ADAM23: variants seen among roughly 807,000 people sequenced by gnomAD.
ADAM23 encodes the protein disintegrin and metalloproteinase domain-containing protein 23.
In ADAM23, 33 loss-of-function variants were observed where a neutral mutation model predicts 120.1. The ratio of observed to expected loss-of-function variants is 0.27; its 90% confidence interval spans 0.21 to 0.37. ADAM23 has a LOEUF of 0.37. ADAM23 is among the 10% of genes least tolerant of loss of function. ADAM23 has a pLI of 1.00. For missense variants in ADAM23, 862 were observed against 1,058.2 expected (o/e 0.81, Z 2.57); for synonymous variants, 367 against 375.2 (o/e 0.98, Z 0.25).
At chr2:206,584,107 A>G (rs547070420) in intron 18 of ADAM23, among the ~76,000 whole-genome samples, 2 of 152,188 alleles carry the variant, frequency 1.3e-5, no homozygotes, top group South Asian at 4.2e-4. Flanking sequence ...TGTGAGCTGA[A>G]CCACAGTGAT....
At chr2:206,491,196 G>A (rs1390144945) in intron 3 of ADAM23, among the ~76,000 whole-genome samples, 1 of 152,016 alleles carries the variant, frequency 6.6e-6, no homozygotes, top group Non-Finnish European at 1.5e-5. Flanking sequence ...ATTATTGTGA[G>A]TGACTGGGAC....
chr2:206,498,510 T>A (rs1574498612), intron 3 of ADAM23, among the ~76,000 whole-genome samples: 1 of 152,290 alleles, frequency 6.6e-6, no homozygotes. Flanking sequence ...TCAAGATGGA[T>A]TAAAGACTTA....
intron 3 of ADAM23, 63 bp downstream of exon 3, chr2:206,481,371 C>A (rs376458509): frequency 1.6e-6 from 2 of 1,239,460 alleles, no homozygotes; most frequent in African/African-American, 1.6e-5. Flanking sequence ...TTTATAATAT[C>A]GGTTTAGTCA....
intron 2 of ADAM23, among the ~76,000 whole-genome samples, chr2:206,447,490 ATAGACAGTG>A (rs1347999375): frequency 2.6e-4 from 40 of 152,342 alleles, no homozygotes; most frequent in African/African-American, 8.7e-4. Context: ...CCGTACAGGT[ATAGACAGTG>A]TTGTTGTTTG....
chr2:206,555,272 C>A (rs1191235227), intron 9 of ADAM23, among the ~76,000 whole-genome samples: 1 of 152,162 alleles, frequency 6.6e-6, no homozygotes, highest in African/African-American at 2.4e-5. Flanking sequence ...TTCTTCTAGT[C>A]TCTCTTATTA....
rs1176534784 is a variant in ADAM23, at chr2:206,609,925, A to G, written c.2375A>G (p.Asn792Ser). 3 of 1,600,338 alleles carry G rather than the reference A, an allele frequency of 1.9e-6. No homozygotes were observed. The highest frequency in any genetic ancestry group is 2.7e-5 in the African/African-American group (2 of 73,952). The change falls in exon 25 of 26, where the codon AAT (asparagine) becomes AGT (serine). Residue 792 changes from asparagine (N) to serine (S), a missense_variant. Around this residue, in one of 4 missense-constraint regions of ADAM23, gnomAD observed 617 missense variants for 813.5 expected, o/e 0.76. Coordinates refer to ENST00000264377, the MANE Select transcript of ADAM23 (RefSeq NM_003812.4). ...TTTGTCACAGGTCCTAGTGCCACCA[A>G]TCTCATAATAGGCTCCATCGCTGGT... Reference protein sequence around the residue: ...DEGPKGPSATNLIIGSIAGAI... With the variant: ...DEGPKGPSATSLIIGSIAGAI...
At chr2:206,585,828 AAAAC>A (rs913892671) in intron 18 of ADAM23, among the ~76,000 whole-genome samples, 1 of 152,210 alleles carries the variant, frequency 6.6e-6, no homozygotes, top group African/African-American at 2.4e-5. Context: ...AAAAGAAAAA[AAAAC>A]AAAGAAAAAA....
At chr2:206,587,238 C>A (rs1353361265) in intron 18 of ADAM23, 87 bp from the exon 19 acceptor site, 3 of 894,008 alleles carry the variant, frequency 3.4e-6, no homozygotes, top group Non-Finnish European at 3.5e-6. Context: ...TTATATATAT[C>A]CACCATGCTT....
chr2:206,611,228 T>G lies in ADAM23; in HGVS notation c.2450+1228T>G, dbSNP rs1180036673. The stretch of plus-strand genomic sequence containing the variant: ...ATAGTATTATAAAATTATACGTCTT[T>G]TCTCTCGGTATATTTGTAGAGTTGA... On this transcript the variant is annotated intron_variant, in intron 25 of 25. Coordinates refer to ENST00000264377, the MANE Select transcript of ADAM23 (RefSeq NM_003812.4). Among the ~76,000 whole-genome samples the G allele has an allele frequency of 2.6e-5, 4 of 152,324 alleles. No homozygotes were observed. In the East Asian group the frequency reaches 7.7e-4, roughly 29 times the overall value.
rs1699046708 is a variant in ADAM23, at chr2:206,621,031, AATTC to A, written c.*3409_*3412del. ...CCTGAAATTTTGTTTGAAATTAATA[AATTC>A]ATTCGTATCTTGTTGGCTGCCTATG... On this transcript the variant is annotated 3_prime_UTR_variant, in exon 26 of 26. Coordinates refer to ENST00000264377, the MANE Select transcript of ADAM23 (RefSeq NM_003812.4). 6.6e-6 allele frequency: 1 copy of A among 152,212 alleles called. No homozygotes were observed. The highest frequency in any genetic ancestry group is 1.5e-5 in the Non-Finnish European group (1 of 68,042). 9.4% of individuals were successfully genotyped at this position (152,212 alleles called of 1,614,324 possible).
chr2:206,545,401 G>T (rs1176994634), intron 6 of ADAM23, among the ~76,000 whole-genome samples: 1 of 152,054 alleles, frequency 6.6e-6, no homozygotes, highest in African/African-American at 2.4e-5. Flanking sequence ...CAGAAGAATC[G>T]CTTGAACCTG....
intron 3 of ADAM23, among the ~76,000 whole-genome samples, chr2:206,498,001 G>C (rs1422617537): frequency 6.6e-6 from 1 of 151,986 alleles, no homozygotes; most frequent in African/African-American, 2.4e-5. Context: ...AAATAAAAGG[G>C]GATACAAACA....
chr2:206,517,075 A>G (rs997315277), intron 3 of ADAM23, among the ~76,000 whole-genome samples: 5 of 152,182 alleles, frequency 3.3e-5, no homozygotes, highest in East Asian at 1.9e-4. Flanking sequence ...TACACACAAC[A>G]CATACACCTA....
chr2:206,571,854 C>T (rs748055512), intron 17 of ADAM23, 38 bp downstream of exon 17: 15 of 1,537,984 alleles, frequency 9.8e-6, no homozygotes, highest in Non-Finnish European at 1.3e-5. Flanking sequence ...TTTTAATTGA[C>T]AGATTAGCCA....
chr2:206,499,511 G>A (rs1189654210), intron 3 of ADAM23, among the ~76,000 whole-genome samples: 4 of 149,250 alleles, frequency 2.7e-5, no homozygotes, highest in Non-Finnish European at 4.4e-5. Flanking sequence ...GGGGAGGGGG[G>A]ATAGCATTAG....
At chr2:206,567,952 A>C (rs981997508) in intron 15 of ADAM23, among the ~76,000 whole-genome samples, 1 of 152,108 alleles carries the variant, frequency 6.6e-6, no homozygotes, top group African/African-American at 2.4e-5. Flanking sequence ...TATCAGCTCT[A>C]GTGAGACTCA....
chr2:206,571,258 G>A (rs543316750), intron 16 of ADAM23, among the ~76,000 whole-genome samples: 25 of 151,754 alleles, frequency 1.6e-4, no homozygotes, highest in Non-Finnish European at 2.7e-4. Context: ...GGCAGATCAC[G>A]AGGTCAGGAG....
At chr2:206,604,447 A>G (rs1698695559) in intron 24 of ADAM23, among the ~76,000 whole-genome samples, 1 of 151,886 alleles carries the variant, frequency 6.6e-6, no homozygotes, top group Non-Finnish European at 1.5e-5. Context: ...TTTGAGTTCT[A>G]ATGTATTGTC....
In ADAM23 at chr2:206,445,331, A is replaced by G. The variant is rs547598626; in HGVS notation, c.239A>G (p.Glu80Gly). The change falls in exon 2 of 26, where the codon GAA becomes GGA. Residue 80 changes from glutamate to glycine, a missense_variant. By Grantham distance (98) the Glu-to-Gly change is moderately conservative. Around this residue, in one of 4 missense-constraint regions of ADAM23, gnomAD observed 225 missense variants for 204.0 expected, o/e 1.10. Coordinates refer to ENST00000264377, the MANE Select transcript of ADAM23 (RefSeq NM_003812.4). ...GCTCCGCATTGGAATGAAACTGCAG[A>G]AAAAAATTTGGGAGTCCTGGCAGAT... is the stretch of plus-strand genomic sequence containing the variant. Reference protein sequence around the residue: ...PSAPHWNETAEKNLGVLADED... With the variant: ...PSAPHWNETAGKNLGVLADED... 18 of 1,613,982 alleles carry G rather than the reference A, an allele frequency of 1.1e-5. No homozygotes were observed. The South Asian group carries it at 1.3e-4, about 12-fold the overall frequency.
Sources: gnomAD v4.1 joint callset for allele counts (sites outside exome capture counted in the v4.1 genomes callset) on GRCh38, gnomAD v4.1.1 for gene constraint, gnomAD v4.1.1 regional missense constraint, MANE v1.5 for transcripts, NCBI Gene and HGNC (gene_info 2026-07-23, HGNC 2026-07-21) for gene names.